The following SMC1A variants were observed in gnomAD, a reference collection of about 807,000 sequenced individuals.
SMC1A encodes structural maintenance of chromosomes protein 1A.
In SMC1A, 4 loss-of-function variants were observed where a neutral mutation model predicts 94.5. The observed-to-expected ratio is 0.04, with a 90% CI of 0.02 to 0.10. SMC1A has a LOEUF of 0.10. Among genes scored for constraint, SMC1A ranks in the 10% least tolerant of loss-of-function variants. The pLI, the probability that SMC1A is intolerant of heterozygous loss-of-function variation, is 1.00. For missense variants in SMC1A, 304 were observed against 989.0 expected, an observed-to-expected ratio of 0.31 and a Z score of 9.29; for synonymous variants, 345 against 347.7, an observed-to-expected ratio of 0.99 and a Z score of 0.09.
chrX:53,389,307 A>C (rs1337869221), intron 19 of SMC1A, among the ~76,000 whole-genome samples: 2 of 111,204 alleles, frequency 1.8e-5, no homozygotes, highest in African/African-American at 6.5e-5. Flanking sequence ...TTCAAGTGAC[A>C]TATCAATTAA....
chrX:53,409,253 G>C lies in SMC1A; in HGVS notation c.1354C>G (p.Gln452Glu). The C allele has an allele frequency of 1.7e-6, 2 of 1,207,101 alleles. No individual in the cohort carries two copies. Among genetic ancestry groups the C allele is most frequent in the Non-Finnish European group, 2.2e-6 (2 of 892,965 alleles). ...GTCAGCTCCCCCTCTAGCTTCTTCTGCTCTTCTAGGGACTGCCTACAAAGT... is the reference window on the plus strand; with the variant it reads ...GTCAGCTCCCCCTCTAGCTTCTTCTCCTCTTCTAGGGACTGCCTACAAAGT... Reference protein sequence around the residue: ...ITTSKQSLEEQKKLEGELTEE... With the variant: ...ITTSKQSLEEEKKLEGELTEE... The change falls in exon 9 of 25, where the codon CAG (glutamine) becomes GAG (glutamate). Residue 452 changes from glutamine to glutamate, a missense_variant. By Grantham distance (29) the Gln-to-Glu change is conservative. Coordinates refer to ENST00000322213, the MANE Select transcript of SMC1A (RefSeq NM_006306.4).
intron 19 of SMC1A, among the ~76,000 whole-genome samples, chrX:53,391,819 G>A (rs2075630534): frequency 9.0e-6 from 1 of 111,311 alleles, no homozygotes; most frequent in Non-Finnish European, 1.9e-5. Context: ...TTGAGACAGG[G>A]TCTTGAACTA....
chrX:53,413,962 A>G (rs1434078941), intron 3 of SMC1A, among the ~76,000 whole-genome samples: 2 of 108,783 alleles, frequency 1.8e-5, no homozygotes, highest in Non-Finnish European at 3.8e-5. Context: ...CTGTAGTCCC[A>G]GCTACTTGGG....
Position 53,380,039 on chromosome X carries a change from A to C in SMC1A, c.*64T>G. On this transcript the variant is annotated 3_prime_UTR_variant, in exon 25 of 25. Coordinates refer to ENST00000322213, the MANE Select transcript of SMC1A (RefSeq NM_006306.4). ...AGGTAGGGGGAAGGTTGGGAGTCAA[A>C]TATCCAGAGATTGGGAGAGGGACAG... 1.2e-6 allele frequency: 1 copy of C among 828,908 alleles called. No individual in the cohort carries two copies. Among genetic ancestry groups the C allele is most frequent in the South Asian group, 2.1e-5 (1 of 47,887 alleles). 68.3% of individuals were successfully genotyped at this position (828,908 alleles called of 1,213,427 possible).
rs112887185 is a variant in SMC1A, at chrX:53,383,395, C to A, written c.2974-142G>T. ...TCTTCTTCTCCAGCTCGGTTCCTTC[C>A]ACCAGATCCTACCCATAGTAACCAT... is the stretch of plus-strand genomic sequence containing the variant. On this transcript the variant is annotated intron_variant, in intron 19 of 24. Transcript: ENST00000322213. The A allele has an allele frequency of 7.6e-6, 4 of 527,826 alleles. 1 individual carries two copies. Among genetic ancestry groups the A allele is most frequent in the Middle Eastern group, 1.1e-3 (2 of 1,853 alleles). 43.5% of individuals were successfully genotyped at this position (527,826 alleles called of 1,213,427 possible).
chrX:53,396,733 A>G, intron 16 of SMC1A, 116 bp from the exon 17 acceptor site: 2 of 866,845 alleles, frequency 2.3e-6, no homozygotes, highest in East Asian at 6.4e-5. Context: ...CTCGTCAATG[A>G]GCTTTGCTTT....
intron 9 of SMC1A, among the ~76,000 whole-genome samples, chrX:53,406,171 A>C (rs1277109917): frequency 9.0e-6 from 1 of 111,312 alleles, no homozygotes; most frequent in African/African-American, 3.3e-5. Context: ...AGGACAGCTT[A>C]AGCCCAGGAG....
chrX:53,407,912 A>G (rs184018260), intron 9 of SMC1A, among the ~76,000 whole-genome samples: 4 of 112,032 alleles, frequency 3.6e-5, no homozygotes, highest in African/African-American at 1.3e-4. Flanking sequence ...GACTTCAGGC[A>G]GTCGTGTCTG....
intron 16 of SMC1A, 61 bp downstream of exon 16, chrX:53,399,528 G>A (rs2075663745): frequency 9.4e-6 from 10 of 1,066,008 alleles, no homozygotes; most frequent in Middle Eastern, 3.2e-4. Context: ...TCTGTCTGTC[G>A]TATTTCTTCC....
At chrX:53,385,976 C>T (rs1055527757) in intron 19 of SMC1A, among the ~76,000 whole-genome samples, 11 of 111,703 alleles carry the variant, frequency 9.8e-5, no homozygotes, top group African/African-American at 3.6e-4. Context: ...CGTTGAAAAA[C>T]CTAGCAACTG....
intron 13 of SMC1A, 29 bp downstream of exon 13, chrX:53,404,983 G>A (rs2075685744): frequency 8.4e-7 from 1 of 1,184,195 alleles, no homozygotes; most frequent in Non-Finnish European, 1.1e-6. Context: ...GATGGCCTTT[G>A]GAGAACAGGG....
intron 15 of SMC1A, among the ~76,000 whole-genome samples, chrX:53,402,268 T>C (rs2075673084): frequency 9.0e-6 from 1 of 110,857 alleles, no homozygotes; most frequent in African/African-American, 3.3e-5. Context: ...AAAGACTGTG[T>C]TGTGTTCATC....
chrX:53,382,524 G>C lies in SMC1A; in HGVS notation c.3267C>G (p.Ser1089=), dbSNP rs368345004. Residue 1089 remains serine, a synonymous_variant, in exon 21 of 25, where the codon TCC becomes TCG. Coordinates refer to ENST00000322213, the MANE Select transcript of SMC1A (RefSeq NM_006306.4). ...TNIDEIYKAL[S]RNSSAQAFLG... is the part of the protein sequence containing the mutation. ...AGCCTACCTGGGCACTGCTATTGCG[G>C]GACAGGGCCTTATAGATCTCATCAA... The C allele has an allele frequency of 2.3e-5, 28 of 1,208,523 alleles. No individual in the cohort carries two copies. The highest frequency in any genetic ancestry group is 3.1e-5 in the Non-Finnish European group (28 of 894,511).
Position 53,403,770 on chromosome X carries a change from T to C in SMC1A, c.2313+7A>G. 1 of 1,194,338 alleles carries C rather than the reference T, an allele frequency of 8.4e-7. No homozygotes were observed. Among genetic ancestry groups the C allele is most frequent in the South Asian group, 1.8e-5 (1 of 56,348 alleles). On this transcript the variant is annotated splice_region_variant and intron_variant, in intron 14 of 24. Coordinates refer to ENST00000322213, the MANE Select transcript of SMC1A (RefSeq NM_006306.4). ...ACACACGCTGGCATGGCCCACACCC[T>C]ACCAACCTGGTTCATCTTCTCCTTC...
At chrX:53,420,996 A>G (rs1453155359) in intron 1 of SMC1A, among the ~76,000 whole-genome samples, 3 of 111,651 alleles carry the variant, frequency 2.7e-5, no homozygotes, top group Middle Eastern at 4.6e-3. Context: ...AATGGCTTGT[A>G]GAGGTGGGCC....
intron 16 of SMC1A, among the ~76,000 whole-genome samples, chrX:53,399,000 G>A (rs2075661689): frequency 2.7e-5 from 3 of 111,209 alleles, no homozygotes; most frequent in African/African-American, 9.8e-5. Context: ...AGCACTTTGG[G>A]AGGCCGAGGC....
chrX:53,386,307 A>G lies in SMC1A; in HGVS notation c.2974-3054T>C, dbSNP rs184019267. On this transcript the variant is annotated intron_variant, in intron 19 of 24. Coordinates refer to ENST00000322213, the MANE Select transcript of SMC1A (RefSeq NM_006306.4). ...GGTAAAGGGATAGCTCCATATTAAAAGAAACTAAAGAGACATAATAAATAA... is the reference window on the plus strand; with the variant it reads ...GGTAAAGGGATAGCTCCATATTAAAGGAAACTAAAGAGACATAATAAATAA... Among the ~76,000 whole-genome samples the G allele has an allele frequency of 1.5e-3, 166 of 112,255 alleles. 1 individual carries two copies. The highest frequency in any genetic ancestry group is 4.9e-3 in the African/African-American group (153 of 30,960).
At chrX:53,407,489 G>T (rs1229700344) in intron 9 of SMC1A, among the ~76,000 whole-genome samples, 1 of 111,893 alleles carries the variant, frequency 8.9e-6, no homozygotes, top group Non-Finnish European at 1.9e-5. Context: ...ATAATAAATG[G>T]GTAAACATAA....
In SMC1A at chrX:53,403,766, A is replaced by G. The variant is rs1297138268; in HGVS notation, c.2313+11T>C. The G allele has an allele frequency of 1.7e-6, 2 of 1,183,215 alleles. No individual in the cohort carries two copies. Among genetic ancestry groups the G allele is most frequent in the African/African-American group, 3.5e-5 (2 of 56,385 alleles). On this transcript the variant is annotated intron_variant, in intron 14 of 24. Transcript: ENST00000322213. ...TGACACACACGCTGGCATGGCCCAC[A>G]CCCTACCAACCTGGTTCATCTTCTC...
Sources: allele counts gnomAD v4.1 joint callset (sites outside exome capture counted in the v4.1 genomes callset), GRCh38; gene constraint gnomAD v4.1.1; transcripts MANE v1.5; gene names NCBI Gene and HGNC (gene_info 2026-07-23, HGNC 2026-07-21).